Variants in PLCH2 observed in about 807,000 individuals in gnomAD.
PLCH2 encodes phospholipase C eta 2.
Under a neutral mutation model 134.7 loss-of-function variants are expected in PLCH2, and 98 were observed. The observed-to-expected ratio is 0.73, with a 90% CI of 0.62 to 0.86. The LOEUF (loss-of-function observed/expected upper bound fraction) is 0.86. PLCH2 is among the 40% of genes least tolerant of loss of function. The probability of loss-of-function intolerance (pLI) is 0.00; values close to 1 mark genes in which losing one functional copy is unlikely to be tolerated. For synonymous variants in PLCH2, 974 were observed against 827.5 expected (o/e 1.18, Z -3.04); for missense variants, 1,994 against 1,986.6 (o/e 1.00, Z -0.07).
chr1:2,498,380 A>T lies in PLCH2; in HGVS notation c.2225-143A>T. The T allele has an allele frequency of 1.1e-6, 1 of 885,666 alleles. No individual in the cohort carries two copies. The highest frequency in any genetic ancestry group is 1.7e-6 in the Non-Finnish European group (1 of 588,610). The allele number at this position is 885,666 out of a possible 1,614,324, so 54.9% of individuals were successfully genotyped here. ...GGTGCACCCCGAGGTGCCCCCCTGG[A>T]CCACTGCCTCCCTCCCTCCCCCTGG... On this transcript the variant is annotated intron_variant, in intron 16 of 21. Transcript: ENST00000378486. The surrounding 1 kb of genome is among the most constrained non-coding windows in gnomAD (Gnocchi z 5.4).
chr1:2,447,777 C>A (rs2100545931), intron 2 of PLCH2, among the ~76,000 whole-genome samples: 1 of 152,344 alleles, frequency 6.6e-6, no homozygotes, highest in Admixed American at 6.5e-5. Context: ...CAGCTGCTCT[C>A]TGAGTCTTTG....
In PLCH2 at chr1:2,494,900, C is replaced by G. The variant is rs761650643; in HGVS notation, c.1704C>G (p.Ala568=). The change falls in exon 12 of 22, where the codon GCC becomes GCG. Residue 568 remains alanine (A), a synonymous_variant. Transcript: ENST00000378486. ...EDVESGEDAG[A]SRRNGRLVVG... ...TGGAGTCTGGGGAGGATGCCGGGGC[C>G]AGCAGACGCAATGGCCGCCTCGTCG... 3 of 1,606,312 alleles carry G rather than the reference C, an allele frequency of 1.9e-6. No individual in the cohort carries two copies. The African/African-American group carries it at 4.0e-5, about 21-fold the overall frequency.
At chr1:2,460,082 G>A (rs1640740351) in intron 2 of PLCH2, among the ~76,000 whole-genome samples, 1 of 152,274 alleles carries the variant, frequency 6.6e-6, no homozygotes, top group Admixed American at 6.5e-5. Context: ...GCCCTGCCCA[G>A]GCCCTTTCTG....
rs183968520 is a variant in PLCH2, at chr1:2,469,495, C to T, written c.43+1833C>T. 2.4e-3 allele frequency among the ~76,000 whole-genome samples: 361 copies of T among 152,348 alleles called. 1 individual carries two copies. The highest frequency in any genetic ancestry group is 6.9e-3 in the African/African-American group (288 of 41,588). On this transcript the variant is annotated intron_variant, in intron 1 of 21. Transcript: ENST00000449969. The stretch of plus-strand genomic sequence containing the variant: ...ATCTGCACAGCTAATGAGCTGATGA[C>T]GATGGCGTCCCAGTTCCTGGCACCT...
At chr1:2,464,950 A>G (rs952494711), upstream of PLCH2, among the ~76,000 whole-genome samples, 1 of 152,206 alleles carries the variant, frequency 6.6e-6, no homozygotes, top group Non-Finnish European at 1.5e-5. Flanking sequence ...TTAGGGGCTC[A>G]GCAGGCCCTG....
chr1:2,475,952 G>C (rs1021992719), upstream of PLCH2, among the ~76,000 whole-genome samples: 5 of 152,176 alleles, frequency 3.3e-5, no homozygotes, highest in Admixed American at 3.3e-4. Flanking sequence ...CTCATAAGTA[G>C]GGATGCGGGG....
rs1020055811 is a variant in PLCH2 at position 2,476,802 on chromosome 1, C to A, written c.124+90C>A. 1.1e-5 allele frequency: 15 copies of A among 1,350,418 alleles called. No homozygotes were observed. In the African/African-American group the frequency reaches 2.2e-4, roughly 20 times the overall value. The allele number at this position is 1,350,418 out of a possible 1,614,324, so 83.7% of individuals were successfully genotyped here. A position where few individuals can be genotyped will look rare whatever the true frequency, so the allele number is the denominator to read the frequency against. On this transcript the variant is annotated intron_variant, in intron 1 of 21. Transcript: ENST00000378486. ...GGGCTGTTCCTGGAGGTGGGGGAAG[C>A]CTGGGCCTCCATCCCATCCTGCACT...
chr1:2,503,931 C>T lies in PLCH2; in HGVS notation c.2969C>T (p.Pro990Leu), dbSNP rs1457882574. ...PGSGSPRDTRPLSTQRPLPPL... is the reference protein window; with the variant it reads ...PGSGSPRDTRLLSTQRPLPPL... ...CCCCACCTCCCCACAGACACCCGCC[C>T]CCTCTCCACGCAGCGGCCACTCCCC... The change falls in exon 22 of 22, where the codon CCC (proline) becomes CTC (leucine). Residue 990 changes from proline to leucine, a missense_variant. Pro to Leu is a moderately conservative substitution (Grantham distance 98). This residue lies in a region of PLCH2 where 900 missense variants were observed against 752.3 expected (regional missense o/e 1.20). Transcript: ENST00000378486. 33 of 1,108,248 alleles carry T rather than the reference C, an allele frequency of 3.0e-5. No individual in the cohort carries two copies. Among genetic ancestry groups the T allele is most frequent in the Non-Finnish European group, 4.1e-5 (31 of 753,124 alleles). 68.7% of individuals were successfully genotyped at this position (1,108,248 alleles called of 1,614,324 possible).
At chr1:2,480,063 T>C in intron 3 of PLCH2, 86 bp downstream of exon 3, 1 of 1,579,580 alleles carries the variant, frequency 6.3e-7, no homozygotes, top group South Asian at 1.2e-5. Flanking sequence ...CTTTGCCGGG[T>C]CACACACTGG....
At chr1:2,461,948 T>A (rs1282345965) in intron 2 of PLCH2, among the ~76,000 whole-genome samples, 1 of 151,892 alleles carries the variant, frequency 6.6e-6, no homozygotes, top group East Asian at 1.9e-4. Context: ...TTTGCTTGAG[T>A]CCCACTTTCT....
chr1:2,477,594 G>A (rs1369466106), intron 1 of PLCH2, among the ~76,000 whole-genome samples: 3 of 152,168 alleles, frequency 2.0e-5, no homozygotes, highest in Non-Finnish European at 4.4e-5. Flanking sequence ...GTCTGTTCCT[G>A]GGCTGGGACA....
chr1:2,480,152 G>A (rs779463968), intron 3 of PLCH2, 31 bp from the exon 4 acceptor site: 1 of 1,611,574 alleles, frequency 6.2e-7, no homozygotes, highest in South Asian at 1.1e-5. Context: ...TGGGCCCATG[G>A]ATCGCTGTTG....
intron 2 of PLCH2, among the ~76,000 whole-genome samples, chr1:2,458,468 T>A (rs1388823483): frequency 6.6e-6 from 1 of 152,144 alleles, no homozygotes; most frequent in African/African-American, 2.4e-5. Flanking sequence ...TGGCCTGACC[T>A]GGACATGCCG....
In PLCH2 at chr1:2,479,853, G is replaced by T; in HGVS notation, c.391G>T (p.Glu131Ter). The change falls in exon 3 of 22, where the codon GAG becomes TAG. Residue 131 changes from glutamate (E) to a stop codon, truncating the protein, a stop_gained. Transcript: ENST00000378486. LOFTEE classifies it high-confidence loss of function. ...CAGCATCTACCACGGCAGCCACCGC[G>T]AGTCGCTGGACCTGGTCTCCACCAG... ...CFSIYHGSHR[E>*]SLDLVSTSSE... 1 of 1,610,954 alleles carries T rather than the reference G, an allele frequency of 6.2e-7. No individual in the cohort carries two copies. Among genetic ancestry groups the T allele is most frequent in the Admixed American group, 1.7e-5 (1 of 59,816 alleles).
At chr1:2,462,777 C>T (rs143491116), upstream of PLCH2, among the ~76,000 whole-genome samples, 10 of 152,188 alleles carry the variant, frequency 6.6e-5, no homozygotes, top group East Asian at 1.9e-3. Context: ...AGGGGCATCC[C>T]TTGCCTTACT....
intron 11 of PLCH2, chr1:2,494,390 C>T (rs1179082146): frequency 1.1e-5 from 2 of 184,504 alleles, no homozygotes; most frequent in Non-Finnish European, 1.1e-5. Flanking sequence ...CACCTGGAGC[C>T]GTGTGTCTGA....
At chr1:2,451,119 C>T (rs1640203885) in intron 2 of PLCH2, among the ~76,000 whole-genome samples, 1 of 152,094 alleles carries the variant, frequency 6.6e-6, no homozygotes, top group African/African-American at 2.4e-5. Context: ...GGGGCAGGGC[C>T]TGGGGTCCAG....
At chr1:2,499,455 G>A (rs1374097474) in intron 19 of PLCH2, among the ~76,000 whole-genome samples, 186 bp from the exon 20 acceptor site, 1 of 151,898 alleles carries the variant, frequency 6.6e-6, no homozygotes, top group African/African-American at 2.4e-5. Flanking sequence ...CTGCAGGCTG[G>A]TGCAATGCCA....
chr1:2,434,244 T>C (rs1639217095), intron 2 of PLCH2, among the ~76,000 whole-genome samples: 1 of 152,206 alleles, frequency 6.6e-6, no homozygotes, highest in Non-Finnish European at 1.5e-5. Flanking sequence ...CACCGCGCCT[T>C]CCCCAGGTCA....
Sources: allele counts gnomAD v4.1 joint callset (sites outside exome capture counted in the v4.1 genomes callset), GRCh38; gene constraint gnomAD v4.1.1; regional missense constraint gnomAD v4.1.1; non-coding constraint Gnocchi (gnomAD v3.1); transcripts MANE v1.5; gene names NCBI Gene and HGNC (gene_info 2026-07-23, HGNC 2026-07-21).